INO80E: variants seen among roughly 807,000 people sequenced by gnomAD.
The protein encoded by INO80E is INO80 complex subunit E, also known as coiled-coil domain containing 95.
Under a neutral mutation model 27.3 loss-of-function variants are expected in INO80E, and 20 were observed. The observed-to-expected ratio is 0.73, with a 90% confidence interval of 0.51 to 1.06. The LOEUF is 1.06. Among genes scored for constraint, INO80E ranks in the 50% least tolerant of loss-of-function variants. INO80E has a pLI of 0.00. For synonymous variants in INO80E, 167 were observed against 145.9 expected (o/e 1.14, Z -1.04); for missense variants, 357 against 322.8 (o/e 1.11, Z -0.81).
intron 6 of INO80E, 144 bp downstream of exon 6, chr16:30,001,674 C>A: frequency 1.3e-6 from 1 of 746,114 alleles, no homozygotes; most frequent in Non-Finnish European, 2.2e-6. Context: ...GGGTGGATCA[C>A]AGAAGTCTCG....
chr16:29,996,356 C>T lies in INO80E; in HGVS notation c.46C>T (p.Arg16Trp), dbSNP rs1483268648. 6.2e-7 allele frequency: 1 copy of T among 1,600,160 alleles called. No homozygotes were observed. Among genetic ancestry groups the T allele is most frequent in the South Asian group, 1.1e-5 (1 of 88,972 alleles). Reference protein sequence around the residue: ...DGEVDYKKKYRNLKRKLKFLI... With the variant: ...DGEVDYKKKYWNLKRKLKFLI... ...CGAAGTGGACTACAAAAAAAAATAC[C>T]GGAATCTGAAGCGGAAGCTCAAGTT... The change falls in exon 1 of 7, where the codon CGG becomes TGG. Residue 16 changes from arginine to tryptophan, a missense_variant. Physicochemically the swap from Arg to Trp is moderately radical, Grantham distance 101 (BLOSUM62 -3). Coordinates refer to ENST00000563197, the MANE Select transcript of INO80E (RefSeq NM_173618.3).
At chr16:30,002,878 G>A (rs1447883251) in intron 6 of INO80E, 1 of 152,402 alleles carries the variant, frequency 6.6e-6, no homozygotes, top group Non-Finnish European at 1.5e-5. Flanking sequence ...CAGGGTTCTG[G>A]AGCCAGAAGC....
At chr16:30,001,906 G>GC (rs961836807) in intron 6 of INO80E, 2 of 207,674 alleles carry the variant, frequency 9.6e-6, no homozygotes, top group African/African-American at 4.6e-5. Context: ...GTGGCCTTGA[G>GC]CAGGTCTCTG....
chr16:30,001,274 C>A, intron 5 of INO80E, 140 bp from the exon 6 acceptor site: 2 of 1,490,986 alleles, frequency 1.3e-6, no homozygotes, highest in South Asian at 2.7e-5. Context: ...GCTGCCCGGC[C>A]CTTCTGTGCT....
chr16:29,998,033 T>C (rs144224796), intron 3 of INO80E, among the ~76,000 whole-genome samples: 2 of 151,588 alleles, frequency 1.3e-5, no homozygotes, highest in Admixed American at 6.6e-5. Context: ...TGAGCCATGA[T>C]AGCACCGCTG....
chr16:30,005,244 C>T lies in INO80E; in HGVS notation c.537C>T (p.Cys179=), dbSNP rs983479215. The T allele has an allele frequency of 5.7e-5, 83 of 1,468,084 alleles. No homozygotes were observed. The highest frequency in any genetic ancestry group is 7.4e-5 in the Non-Finnish European group (83 of 1,114,144). 90.9% of individuals were successfully genotyped at this position (1,468,084 alleles called of 1,614,324 possible). The change falls in exon 7 of 7, where the codon TGC becomes TGT. Residue 179 remains cysteine, a synonymous_variant. Transcript: ENST00000563197. The part of the protein sequence containing the change: ...KLKMAVGPPD[C]PVGGPLTFPG... ...AGATGGCGGTGGGACCCCCCGACTGCCCTGTGGGAGGGCCGCTGACCTTCC... is the reference window on the plus strand; with the variant it reads ...AGATGGCGGTGGGACCCCCCGACTGTCCTGTGGGAGGGCCGCTGACCTTCC...
At chr16:30,002,539 T>A (rs2070389357) in intron 6 of INO80E, 1 of 152,630 alleles carries the variant, frequency 6.6e-6, no homozygotes, top group Non-Finnish European at 1.5e-5. Flanking sequence ...CAGAGGGAGC[T>A]GCGGACCCAT....
rs779453693 is a variant in INO80E at position 30,000,751 on chromosome 16, A to AT, written c.206-6dup. On this transcript the variant is annotated splice_region_variant and splice_polypyrimidine_tract_variant and intron_variant, in intron 3 of 6. Transcript: ENST00000563197. ...CCATCCCCACTGACCAGCTGTCCCCATCACAGACTCAGATGCCACTGCATC... is the reference window on the plus strand; with the variant it reads ...CCATCCCCACTGACCAGCTGTCCCCATTCACAGACTCAGATGCCACTGCATC... 1 of 1,613,732 alleles carries AT rather than the reference A, an allele frequency of 6.2e-7. No homozygotes were observed.
chr16:29,997,212 TTATAG>T (rs1362981119), intron 3 of INO80E, among the ~76,000 whole-genome samples: 2 of 152,084 alleles, frequency 1.3e-5, no homozygotes, highest in Non-Finnish European at 2.9e-5. Flanking sequence ...GCGGTAATGA[TTATAG>T]TAGAACAGGG....
rs570393958 is a variant in INO80E, at chr16:30,000,349, C to T, written c.206-409C>T. ...CACCAGCTGGTGAGTCAGATTCCCC[C>T]GGGGCCCTTCTGTTAGGTTTTGGTT... is the stretch of plus-strand genomic sequence containing the variant. On this transcript the variant is annotated intron_variant, in intron 3 of 6. Coordinates refer to ENST00000563197, the MANE Select transcript of INO80E (RefSeq NM_173618.3). 9.9e-5 allele frequency among the ~76,000 whole-genome samples: 15 copies of T among 152,040 alleles called. No homozygotes were observed. The South Asian group carries it at 1.0e-3, about 11-fold the overall frequency.
At position 30,005,553 on chromosome 16, in the gene INO80E, C is replaced by T. The variant is rs1001378835; in HGVS notation, c.*111C>T. 2.2e-5 allele frequency: 23 copies of T among 1,033,118 alleles called. No individual in the cohort carries two copies. The highest frequency in any genetic ancestry group is 6.5e-5 in the African/African-American group (4 of 61,202). The allele number at this position is 1,033,118 out of a possible 1,614,324, so 64.0% of individuals were successfully genotyped here. A position where few individuals can be genotyped will look rare whatever the true frequency, so the allele number is the denominator to read the frequency against. On this transcript the variant is annotated 3_prime_UTR_variant, in exon 7 of 7. Coordinates refer to ENST00000563197, the MANE Select transcript of INO80E (RefSeq NM_173618.3). ...TTATTGATGCCCAGCTGCCATGCTC[C>T]GGCCACTGACACAACCAGAAAAGGC...
At chr16:30,000,204 C>T (rs1313885638) in intron 3 of INO80E, among the ~76,000 whole-genome samples, 2 of 151,902 alleles carry the variant, frequency 1.3e-5, no homozygotes, top group African/African-American at 4.8e-5. Context: ...AAGAGCCTGG[C>T]ACCCTGGCCA....
intron 3 of INO80E, 67 bp downstream of exon 3, chr16:29,996,927 CCG>C: frequency 6.6e-7 from 1 of 1,519,316 alleles, no homozygotes; most frequent in Admixed American, 1.7e-5. Flanking sequence ...TCCTGGGCCC[CCG>C]CCTTTTAGGC....
chr16:30,001,711 C>T (rs1392308693), intron 6 of INO80E, 181 bp downstream of exon 6: 6 of 595,338 alleles, frequency 1.0e-5, no homozygotes, highest in African/African-American at 1.9e-5. Flanking sequence ...GGAGACAAAT[C>T]AGGGCAGAAC....
At chr16:30,002,194 A>T (rs2150937023) in intron 6 of INO80E, 1 of 152,476 alleles carries the variant, frequency 6.6e-6, no homozygotes, top group Admixed American at 6.5e-5. Flanking sequence ...TTGATCAGAG[A>T]CTTACAGGAA....
intron 6 of INO80E, chr16:30,002,353 C>G (rs4788210): frequency 0.36 from 54,960 of 152,434 alleles, 10,933 homozygotes; most frequent in South Asian, 0.49. Flanking sequence ...TGAATGAAGC[C>G]TTGGAGACAG....
intron 5 of INO80E, 178 bp downstream of exon 5, chr16:30,001,218 G>A (rs2150933836): frequency 6.7e-7 from 1 of 1,489,322 alleles, no homozygotes; most frequent in Non-Finnish European, 8.9e-7. Flanking sequence ...ATAGGAACGG[G>A]GCCAGGCCTG....
intron 5 of INO80E, 86 bp downstream of exon 5, chr16:30,001,126 C>A: frequency 1.4e-6 from 2 of 1,480,672 alleles, no homozygotes; most frequent in Non-Finnish European, 1.8e-6. Flanking sequence ...GCAAGGCCAG[C>A]CCAACTTTGG....
In INO80E at chr16:30,005,503, A is replaced by T; in HGVS notation, c.*61A>T. The T allele has an allele frequency of 1.4e-6, 2 of 1,455,374 alleles. No homozygotes were observed. Among genetic ancestry groups the T allele is most frequent in the Non-Finnish European group, 1.9e-6 (2 of 1,063,310 alleles). 90.2% of individuals were successfully genotyped at this position (1,455,374 alleles called of 1,614,324 possible). ...CGGCGCCCTCCCCGTGCCAGCACAC[A>T]CGAGTCCAGCTTCCTCGGAGGTGTT... On this transcript the variant is annotated 3_prime_UTR_variant, in exon 7 of 7. Coordinates refer to ENST00000563197, the MANE Select transcript of INO80E (RefSeq NM_173618.3).
Sources: gnomAD v4.1 joint callset for allele counts (sites outside exome capture counted in the v4.1 genomes callset) on GRCh38, gnomAD v4.1.1 for gene constraint, MANE v1.5 for transcripts, NCBI Gene and HGNC (gene_info 2026-07-23, HGNC 2026-07-21) for gene names.